Variants in HPSE2 observed in about 807,000 individuals in gnomAD.
The protein encoded by HPSE2 is inactive heparanase-2.
A neutral mutation model predicts 60.5 loss-of-function variants in HPSE2; 38 were observed. The observed-to-expected ratio is 0.63, with a 90% confidence interval of 0.48 to 0.82. The LOEUF (loss-of-function observed/expected upper bound fraction) is 0.82, where lower values mean the gene tolerates loss of function less well. Among genes scored for constraint, HPSE2 ranks in the 40% least tolerant of loss-of-function variants. The probability of loss-of-function intolerance (pLI) is 0.00; values close to 1 mark genes in which losing one functional copy is unlikely to be tolerated. For synonymous variants in HPSE2, 295 were observed against 293.2 expected, an observed-to-expected ratio of 1.01 and a Z score of -0.06; for missense variants, 713 against 740.4, an observed-to-expected ratio of 0.96 and a Z score of 0.43.
chr10:98,707,571 T>G (rs1948577873), intron 5 of HPSE2, among the ~76,000 whole-genome samples: 2 of 152,198 alleles, frequency 1.3e-5, no homozygotes, highest in South Asian at 4.1e-4. Context: ...TAGTGATATT[T>G]AAAGTACTGT....
intron 6 of HPSE2, among the ~76,000 whole-genome samples, chr10:98,687,290 G>A (rs549527903): frequency 1.3e-5 from 2 of 152,244 alleles, no homozygotes; most frequent in South Asian, 4.1e-4. Context: ...TGCCTTTTCT[G>A]GCTTCTATGG....
At chr10:99,299,527 G>A in the HPSE2 span, among the ~76,000 whole-genome samples, 5 of 152,256 alleles carry the variant, frequency 3.3e-5, no homozygotes, top group Middle Eastern at 3.4e-3. Context: ...TCATCCACTT[G>A]TTGTACTGTA....
At chr10:98,890,432 TACTA>T (rs1953301493) in intron 3 of HPSE2, among the ~76,000 whole-genome samples, 1 of 152,176 alleles carries the variant, frequency 6.6e-6, no homozygotes, top group East Asian at 1.9e-4. Flanking sequence ...AATGATATAG[TACTA>T]ACTGAGGAAA....
At chr10:99,266,566 T>C in the HPSE2 span, among the ~76,000 whole-genome samples, 6 of 152,210 alleles carry the variant, frequency 3.9e-5, 1 homozygote, top group East Asian at 1.2e-3. Flanking sequence ...TACTCACCCT[T>C]GTAGCTGAAG....
rs148108827 is a variant in HPSE2 at position 99,149,300 on chromosome 10, G to A, written c.449-4901C>T. Among the ~76,000 whole-genome samples, 28 of 152,196 alleles carry A rather than the reference G, an allele frequency of 1.8e-4. No homozygotes were observed. In the East Asian group the frequency reaches 5.4e-3, roughly 29 times the overall value. On this transcript the variant is annotated intron_variant, in intron 2 of 11. Coordinates refer to ENST00000370552, the MANE Select transcript of HPSE2 (RefSeq NM_021828.5). ...CTGGAGATATTCAAGCAGAGAATGGGTGACCCAGGCATAATGAAGTAATTT... is the reference window on the plus strand; with the variant it reads ...CTGGAGATATTCAAGCAGAGAATGGATGACCCAGGCATAATGAAGTAATTT...
intron 3 of HPSE2, among the ~76,000 whole-genome samples, chr10:98,769,680 G>A (rs781144991): frequency 2.6e-5 from 4 of 152,092 alleles, no homozygotes; most frequent in Admixed American, 6.6e-5. Context: ...AGCTAGCCTC[G>A]GAAGGAAGGA....
Position 98,719,898 on chromosome 10 carries a change from G to A in HPSE2, c.956+1759C>T, listed in dbSNP as rs191390308. Among the ~76,000 whole-genome samples the A allele has an allele frequency of 2.6e-5, 4 of 152,034 alleles. No individual in the cohort carries two copies. The East Asian group carries it at 7.8e-4, about 30-fold the overall frequency. On this transcript the variant is annotated intron_variant, in intron 5 of 11. Transcript: ENST00000370552. ...CACCTGTAATCCCAGCTACTCGGGA[G>A]GTTGAGGCAGGAGAATTGCTTGAAC...
the HPSE2 span, among the ~76,000 whole-genome samples, chr10:99,315,069 C>G: frequency 1.3e-5 from 2 of 152,200 alleles, no homozygotes; most frequent in African/African-American, 4.8e-5. Context: ...ACACAAAGAA[C>G]ACTAATTTTA....
At chr10:98,930,048 G>A (rs1390904343) in intron 3 of HPSE2, among the ~76,000 whole-genome samples, 2 of 143,346 alleles carry the variant, frequency 1.4e-5, no homozygotes, top group Non-Finnish European at 3.0e-5. Context: ...ATAGGTAAAC[G>A]TGTGTCATGG....
chr10:99,280,360 C>A, the HPSE2 span, among the ~76,000 whole-genome samples: 1 of 152,162 alleles, frequency 6.6e-6, no homozygotes, highest in Non-Finnish European at 1.5e-5. Flanking sequence ...AATACCACTG[C>A]AACTTTTAAA....
intron 3 of HPSE2, among the ~76,000 whole-genome samples, chr10:98,855,071 A>G (rs1292069721): frequency 6.6e-6 from 1 of 152,186 alleles, no homozygotes; most frequent in African/African-American, 2.4e-5. Context: ...ACCAACTAGC[A>G]TGAATTCTAC....
chr10:99,151,577 C>T (rs1446631107), intron 2 of HPSE2, among the ~76,000 whole-genome samples: 2 of 151,864 alleles, frequency 1.3e-5, no homozygotes, highest in African/African-American at 4.8e-5. Flanking sequence ...ATGTTAAAAG[C>T]CCAAGATAAA....
intron 3 of HPSE2, among the ~76,000 whole-genome samples, chr10:99,097,970 A>G (rs921102131): frequency 6.6e-6 from 1 of 152,354 alleles, no homozygotes; most frequent in East Asian, 1.9e-4. Flanking sequence ...TTCTATGGCT[A>G]TAACTTATTT....
intron 2 of HPSE2, among the ~76,000 whole-genome samples, chr10:99,186,563 A>AAAAAG (rs1848036928): frequency 6.6e-6 from 1 of 150,930 alleles, no homozygotes; most frequent in Non-Finnish European, 1.5e-5. Context: ...AAAAAAAAAA[A>AAAAAG]AAAAAAAAAA....
chr10:98,708,538 C>G (rs780508763), intron 5 of HPSE2, among the ~76,000 whole-genome samples: 1 of 151,746 alleles, frequency 6.6e-6, no homozygotes, highest in Non-Finnish European at 1.5e-5. Context: ...TATATTGAAG[C>G]AGTAGAAAAG....
intron 3 of HPSE2, among the ~76,000 whole-genome samples, chr10:99,005,301 T>G (rs1233510890): frequency 6.6e-6 from 1 of 152,164 alleles, no homozygotes; most frequent in Admixed American, 6.5e-5. Flanking sequence ...TTTGCTCTTT[T>G]TACATTGTCC....
At chr10:98,609,836 C>T (rs1322842373) in intron 9 of HPSE2, among the ~76,000 whole-genome samples, 1 of 140,602 alleles carries the variant, frequency 7.1e-6, no homozygotes, top group Non-Finnish European at 1.5e-5. Context: ...TCTTCTTCTT[C>T]TTCTTTTTTT....
At chr10:98,976,786 G>A (rs968033294) in intron 3 of HPSE2, among the ~76,000 whole-genome samples, 1 of 151,682 alleles carries the variant, frequency 6.6e-6, no homozygotes, top group African/African-American at 2.4e-5. Flanking sequence ...CTTGGAAACT[G>A]TGACTGTTAC....
chr10:98,665,311 C>T (rs1242154319), intron 6 of HPSE2, among the ~76,000 whole-genome samples: 2 of 152,130 alleles, frequency 1.3e-5, no homozygotes, highest in Admixed American at 6.5e-5. Flanking sequence ...CTATGACTCA[C>T]TGACATTCCA....
Sources: allele counts gnomAD v4.1 joint callset (sites outside exome capture counted in the v4.1 genomes callset), GRCh38; gene constraint gnomAD v4.1.1; transcripts MANE v1.5; gene names NCBI Gene and HGNC (gene_info 2026-07-23, HGNC 2026-07-21).